ADGB: variants seen among roughly 807,000 people sequenced by gnomAD.
ADGB encodes calpain-7-like protein.
A neutral mutation model predicts 210.5 loss-of-function variants in ADGB; 172 were observed. That is an observed-to-expected ratio of 0.82 (90% CI 0.72 to 0.93). The LOEUF is 0.93. ADGB is among the 40% of genes least tolerant of loss of function. The pLI is 0.00. For missense variants in ADGB, 2,025 were observed against 1,964.8 expected, an observed-to-expected ratio of 1.03 and a Z score of -0.58; for synonymous variants, 658 against 662.7, an observed-to-expected ratio of 0.99 and a Z score of 0.11.
intron 29 of ADGB, among the ~76,000 whole-genome samples, chr6:146,776,381 T>C (rs1777721678): frequency 6.6e-6 from 1 of 152,062 alleles, no homozygotes; most frequent in South Asian, 2.1e-4. Context: ...ATATTATTAG[T>C]TCAACATTAT....
intron 1 of ADGB, among the ~76,000 whole-genome samples, chr6:146,623,020 G>A (rs1216111196): frequency 6.6e-6 from 1 of 151,794 alleles, no homozygotes; most frequent in African/African-American, 2.4e-5. Context: ...ATATGAATAT[G>A]GGCCTATTTT....
chr6:146,805,076 G>T (rs1778191667), intron 35 of ADGB, among the ~76,000 whole-genome samples: 1 of 152,184 alleles, frequency 6.6e-6, no homozygotes, highest in Middle Eastern at 3.2e-3. Flanking sequence ...TGTGTCCAGT[G>T]CGGTTCAATA....
intron 13 of ADGB, among the ~76,000 whole-genome samples, chr6:146,714,280 A>C (rs1372451787): frequency 6.6e-6 from 1 of 150,702 alleles, no homozygotes; most frequent in Non-Finnish European, 1.5e-5. Context: ...AGTGAGTTTT[A>C]TTTGGAGGTG....
At chr6:146,624,876 A>AT (rs1265435934) in intron 1 of ADGB, among the ~76,000 whole-genome samples, 1 of 151,958 alleles carries the variant, frequency 6.6e-6, no homozygotes, top group Non-Finnish European at 1.5e-5. Flanking sequence ...ATATCTTAGA[A>AT]TTTTCCAGAT....
At chr6:146,731,045 A>G (rs890266379) in intron 20 of ADGB, among the ~76,000 whole-genome samples, 4 of 152,188 alleles carry the variant, frequency 2.6e-5, no homozygotes, top group African/African-American at 9.6e-5. Context: ...CTCTAAGGCA[A>G]AGGATGTGGG....
At chr6:146,672,186 G>C in intron 7 of ADGB, 34 bp from the exon 8 acceptor site, 3 of 1,441,568 alleles carry the variant, frequency 2.1e-6, no homozygotes, top group Non-Finnish European at 2.7e-6. Context: ...AAAAAACATC[G>C]TTTGGAAATT....
intron 3 of ADGB, among the ~76,000 whole-genome samples, chr6:146,647,146 C>G (rs1187836893): frequency 7.2e-6 from 1 of 138,930 alleles, no homozygotes; most frequent in Non-Finnish European, 1.6e-5. Context: ...ACACAAAAAA[C>G]AAACAAACAA....
At chr6:146,714,433 A>G (rs1456157314) in intron 13 of ADGB, among the ~76,000 whole-genome samples, 1 of 152,178 alleles carries the variant, frequency 6.6e-6, no homozygotes, top group African/African-American at 2.4e-5. Context: ...AGAGAAGCTG[A>G]AAGTCTCAGC....
chr6:146,709,511 G>A (rs1247035580), intron 13 of ADGB, among the ~76,000 whole-genome samples: 1 of 152,172 alleles, frequency 6.6e-6, no homozygotes, highest in Non-Finnish European at 1.5e-5. Context: ...GCAGGATTGG[G>A]TCTAGAATGT....
At chr6:146,676,681 G>T (rs1194107982) in intron 9 of ADGB, among the ~76,000 whole-genome samples, 2 of 152,120 alleles carry the variant, frequency 1.3e-5, no homozygotes, top group Non-Finnish European at 2.9e-5. Context: ...ATGTGGGAGA[G>T]GCTTCTGCTG....
At chr6:146,668,860 G>C (rs1479649112) in intron 7 of ADGB, among the ~76,000 whole-genome samples, 1 of 152,086 alleles carries the variant, frequency 6.6e-6, no homozygotes, top group Non-Finnish European at 1.5e-5. Flanking sequence ...ACATGTCTGA[G>C]TGGGAATTAG....
At chr6:146,676,478 G>A (rs1332749807) in intron 9 of ADGB, 37 bp downstream of exon 9, 5 of 1,291,678 alleles carry the variant, frequency 3.9e-6, no homozygotes, top group Non-Finnish European at 5.0e-6. Flanking sequence ...AACTATTTTA[G>A]TTGTTTCTTA....
At chr6:146,773,078 T>A (rs183308423) in intron 29 of ADGB, among the ~76,000 whole-genome samples, 9 of 152,142 alleles carry the variant, frequency 5.9e-5, no homozygotes, top group African/African-American at 1.7e-4. Flanking sequence ...TGCACATAGC[T>A]CACTATTCAA....
chr6:146,689,855 G>T (rs949962571), intron 10 of ADGB, among the ~76,000 whole-genome samples: 3 of 152,064 alleles, frequency 2.0e-5, no homozygotes, highest in African/African-American at 7.2e-5. Context: ...TTAGATCTTA[G>T]AACATCTATG....
chr6:146,736,263 T>G (rs1777076882), intron 22 of ADGB, among the ~76,000 whole-genome samples: 1 of 152,184 alleles, frequency 6.6e-6, no homozygotes, highest in African/African-American at 2.4e-5. Flanking sequence ...CAAGCAATAT[T>G]CTAAAACTTT....
chr6:146,812,287 A>T (rs259372), intron 35 of ADGB, among the ~76,000 whole-genome samples: 1 of 152,012 alleles, frequency 6.6e-6, no homozygotes, highest in African/African-American at 2.4e-5. Flanking sequence ...ATGGAGGACG[A>T]CCCACAATGA....
At chr6:146,702,372 T>G (rs1215581712) in intron 13 of ADGB, among the ~76,000 whole-genome samples, 2 of 151,940 alleles carry the variant, frequency 1.3e-5, no homozygotes, top group African/African-American at 4.8e-5. Context: ...CATAATGTAT[T>G]GACATATTAA....
At chr6:146,747,661 G>A (rs144412002) in intron 26 of ADGB, among the ~76,000 whole-genome samples, 200 of 152,020 alleles carry the variant, frequency 1.3e-3, no homozygotes, top group Non-Finnish European at 2.4e-3. Context: ...TACATTAGGA[G>A]CAAGGGGACT....
chr6:146,803,215 A>G (rs1227430637), intron 35 of ADGB: 10 of 1,534,186 alleles, frequency 6.5e-6, no homozygotes, highest in Admixed American at 1.7e-5. Flanking sequence ...GCTACATTCA[A>G]TCTCATATTC....
Sources: allele counts gnomAD v4.1 joint callset (sites outside exome capture counted in the v4.1 genomes callset), GRCh38; gene constraint gnomAD v4.1.1; transcripts MANE v1.5; gene names NCBI Gene and HGNC (gene_info 2026-07-23, HGNC 2026-07-21).